Variants in GADL1 observed in about 807,000 individuals in gnomAD.
The protein encoded by GADL1 is GAD like acidic amino acid decarboxylase 1.
A neutral mutation model predicts 69.5 loss-of-function variants in GADL1; 71 were observed. The ratio of observed to expected loss-of-function variants is 1.02; its 90% CI spans 0.84 to 1.25. The LOEUF (loss-of-function observed/expected upper bound fraction) is 1.25. Ranked by LOEUF, GADL1 falls within the 50% of genes most tolerant of loss-of-function variation. GADL1 has a pLI of 0.00. For synonymous variants in GADL1, 254 were observed against 214.4 expected (o/e 1.18, Z -1.62); for missense variants, 737 against 631.8 (o/e 1.17, Z -1.79).
At chr3:30,805,349 G>T (rs1009981417) in intron 11 of GADL1, among the ~76,000 whole-genome samples, 2 of 152,156 alleles carry the variant, frequency 1.3e-5, no homozygotes, top group Non-Finnish European at 2.9e-5. Context: ...ACTTAAATAC[G>T]TGTGAAAGAG....
chr3:30,840,292 C>A (rs1697945561), intron 8 of GADL1, among the ~76,000 whole-genome samples: 1 of 152,066 alleles, frequency 6.6e-6, no homozygotes, highest in African/African-American at 2.4e-5. Context: ...GAAAGTGGGG[C>A]AGAGCAAGAA....
At chr3:30,759,018 A>ACATAAGC (rs139738417) in intron 14 of GADL1, among the ~76,000 whole-genome samples, 64,157 of 151,880 alleles carry the variant, frequency 0.42, 13,585 homozygotes, top group Non-Finnish European at 0.44. Flanking sequence ...ACATACCTGC[A>ACATAAGC]CATAATTTCA....
intron 4 of GADL1, among the ~76,000 whole-genome samples, chr3:30,852,044 T>C (rs1161195895): frequency 3.3e-5 from 5 of 152,176 alleles, no homozygotes; most frequent in African/African-American, 1.2e-4. Flanking sequence ...GTACTCTAAA[T>C]ATGTAAGTTA....
chr3:30,743,799 G>A (rs988459527), intron 14 of GADL1, among the ~76,000 whole-genome samples: 1 of 152,174 alleles, frequency 6.6e-6, no homozygotes. Context: ...CCCACACACA[G>A]GGCCTGCTGT....
chr3:30,762,518 C>T (rs1696162617), intron 14 of GADL1, among the ~76,000 whole-genome samples: 1 of 152,044 alleles, frequency 6.6e-6, no homozygotes, highest in South Asian at 2.1e-4. Flanking sequence ...GTATATAATT[C>T]TGGGGGTACA....
chr3:30,881,713 A>C (rs1407418642), intron 1 of GADL1, among the ~76,000 whole-genome samples: 1 of 151,932 alleles, frequency 6.6e-6, no homozygotes, highest in Non-Finnish European at 1.5e-5. Flanking sequence ...AAAAATGATA[A>C]ATTTGTTAAG....
chr3:30,779,322 C>A (rs1696606802), intron 13 of GADL1, among the ~76,000 whole-genome samples: 2 of 152,212 alleles, frequency 1.3e-5, no homozygotes, highest in Admixed American at 1.3e-4. Flanking sequence ...TTTTCATTTT[C>A]TGCCATAAAC....
chr3:30,737,303 G>A (rs1330074700), intron 14 of GADL1, among the ~76,000 whole-genome samples: 1 of 152,086 alleles, frequency 6.6e-6, no homozygotes, highest in African/African-American at 2.4e-5. Context: ...TTTGACAGAA[G>A]AGGGGAGAGG....
intron 14 of GADL1, among the ~76,000 whole-genome samples, chr3:30,773,830 G>GTT (rs545169310): frequency 9.8e-4 from 149 of 152,214 alleles, no homozygotes; most frequent in African/African-American, 3.5e-3. Context: ...TATTTGATAT[G>GTT]TTTTATAATG....
intron 14 of GADL1, among the ~76,000 whole-genome samples, chr3:30,762,293 CAT>C (rs1295611563): frequency 6.6e-6 from 1 of 152,234 alleles, no homozygotes; most frequent in East Asian, 1.9e-4. Context: ...GAAGTGAGGA[CAT>C]ATGCTTTAAA....
chr3:30,769,396 A>G (rs1260617860), intron 14 of GADL1, among the ~76,000 whole-genome samples: 1 of 152,262 alleles, frequency 6.6e-6, no homozygotes, highest in East Asian at 1.9e-4. Context: ...GCACACACAC[A>G]CACCCAGATA....
At chr3:30,854,665 G>C in intron 4 of GADL1, 34 bp downstream of exon 4, 6 of 1,277,362 alleles carry the variant, frequency 4.7e-6, no homozygotes, top group Non-Finnish European at 6.6e-6. Context: ...TCTAATCCAC[G>C]TTTGGTGTGA....
At chr3:30,787,107 G>A (rs1696810038) in intron 12 of GADL1, among the ~76,000 whole-genome samples, 1 of 152,106 alleles carries the variant, frequency 6.6e-6, no homozygotes, top group African/African-American at 2.4e-5. Flanking sequence ...TAATACCTGG[G>A]TGGTGGGTTA....
At chr3:30,732,129 A>G (rs1695466981) in intron 14 of GADL1, among the ~76,000 whole-genome samples, 2 of 152,172 alleles carry the variant, frequency 1.3e-5, no homozygotes, top group African/African-American at 2.4e-5. Flanking sequence ...GGCATAATCC[A>G]ATGCTAGGTA....
intron 1 of GADL1, among the ~76,000 whole-genome samples, chr3:30,872,377 G>A (rs1698505226): frequency 6.6e-6 from 1 of 151,762 alleles, no homozygotes; most frequent in South Asian, 2.1e-4. Context: ...AGTTTCTGTT[G>A]GCATTTTCCT....
chr3:30,876,127 A>T (rs1370294485), intron 1 of GADL1, among the ~76,000 whole-genome samples: 1 of 152,028 alleles, frequency 6.6e-6, no homozygotes, highest in Non-Finnish European at 1.5e-5. Context: ...TATACATATA[A>T]TATGTTACTG....
At position 30,850,046 on chromosome 3, in the gene GADL1, C is replaced by A. The variant is rs754467804; in HGVS notation, c.601G>T (p.Glu201Ter). Residue 201 changes from glutamate to a stop codon, truncating the protein, a stop_gained, in exon 6 of 15, where the codon GAA (glutamate) becomes TAA (stop). Coordinates refer to ENST00000282538, the MANE Select transcript of GADL1 (RefSeq NM_207359.3). LOFTEE classifies it high-confidence loss of function. ...CTTGGCGAACCAGACAGCCCCTTTT[C>A]CTTAATATCAGGACAATATTTGTAT... is the stretch of plus-strand genomic sequence containing the variant. ...ARYKYCPDIK[E>*]KGLSGSPRLI... is the part of the protein sequence containing the mutation. 5 of 1,612,172 alleles carry A rather than the reference C, an allele frequency of 3.1e-6. No homozygotes were observed. The highest frequency in any genetic ancestry group is 4.2e-6 in the Non-Finnish European group (5 of 1,178,588).
chr3:30,770,370 G>A (rs1009079124), intron 14 of GADL1, among the ~76,000 whole-genome samples: 3 of 152,158 alleles, frequency 2.0e-5, no homozygotes, highest in Non-Finnish European at 2.9e-5. Context: ...ACGAACAGAC[G>A]CTAAAGAAAC....
rs1341081553 is a variant in GADL1, at chr3:30,889,500, T to A, written c.37+5078A>T. ...CGTGAACTGTCAGAAAATGTATACA[T>A]AACAAAGCAAAAGCCAAAAGCAGAA... On this transcript the variant is annotated intron_variant, in intron 1 of 14. Coordinates refer to ENST00000282538, the MANE Select transcript of GADL1 (RefSeq NM_207359.3). Among the ~76,000 whole-genome samples, 3 of 152,156 alleles carry A rather than the reference T, an allele frequency of 2.0e-5. No individual in the cohort carries two copies. The South Asian group carries it at 6.2e-4, about 32-fold the overall frequency.
Sources: gnomAD v4.1 joint callset for allele counts (sites outside exome capture counted in the v4.1 genomes callset) on GRCh38, gnomAD v4.1.1 for gene constraint, MANE v1.5 for transcripts, NCBI Gene and HGNC (gene_info 2026-07-23, HGNC 2026-07-21) for gene names.